RPTOR: variants seen among roughly 807,000 people sequenced by gnomAD.
RPTOR encodes the protein regulatory-associated protein of mTOR.
In RPTOR, 21 loss-of-function variants were observed where a neutral mutation model predicts 169.9. That is an observed-to-expected ratio of 0.12 (90% confidence interval 0.09 to 0.18). RPTOR has a LOEUF of 0.18. RPTOR is among the 10% of genes least tolerant of loss of function. The probability of loss-of-function intolerance (pLI) is 1.00; values close to 1 mark genes in which losing one functional copy is unlikely to be tolerated. For missense variants in RPTOR, 1,133 were observed against 1,855.9 expected (o/e 0.61, Z 7.16); for synonymous variants, 732 against 753.2 (o/e 0.97, Z 0.46).
intron 13 of RPTOR, among the ~76,000 whole-genome samples, chr17:80,875,824 C>T (rs11652780): frequency 0.14 from 18,672 of 129,130 alleles, 16 homozygotes; most frequent in East Asian, 0.27. Flanking sequence ...CCCACCGAGC[C>T]CGTGCCGCCC....
At chr17:80,666,903 G>A (rs1022652497) in intron 3 of RPTOR, among the ~76,000 whole-genome samples, 3 of 152,176 alleles carry the variant, frequency 2.0e-5, no homozygotes, top group African/African-American at 7.2e-5. Context: ...TCCTCTGATC[G>A]AGCCTTCTAG....
At chr17:80,744,428 C>T (rs201365549) in intron 5 of RPTOR, among the ~76,000 whole-genome samples, 6 of 70,992 alleles carry the variant, frequency 8.5e-5, no homozygotes, top group East Asian at 5.4e-4. Context: ...TGGCTACTAG[C>T]ACAGCCCTGG....
intron 27 of RPTOR, among the ~76,000 whole-genome samples, chr17:80,948,936 T>C (rs2069137792): frequency 6.6e-6 from 1 of 152,124 alleles, no homozygotes; most frequent in Non-Finnish European, 1.5e-5. Context: ...GCATTGTCCC[T>C]TCAAGTCAAG....
Position 80,730,545 on chromosome 17 carries a change from T to G in RPTOR, c.508-15T>G, listed in dbSNP as rs1246779468. The G allele has an allele frequency of 1.9e-6, 3 of 1,611,550 alleles. No individual in the cohort carries two copies. Among genetic ancestry groups the G allele is most frequent in the Non-Finnish European group, 1.7e-6 (2 of 1,177,860 alleles). On this transcript the variant is annotated splice_polypyrimidine_tract_variant and intron_variant, in intron 4 of 33. Coordinates refer to ENST00000306801, the MANE Select transcript of RPTOR (RefSeq NM_020761.3). This position sits in a 1 kb window ranked among gnomAD's most constrained non-coding sequence, Gnocchi z 4.2. The stretch of plus-strand genomic sequence containing the variant: ...GAGACGCACATGTAACGAGCGCACT[T>G]TGTGTGTTTTCTAGAACTACACGCA...
At chr17:80,702,216 G>C (rs1021763735) in intron 3 of RPTOR, among the ~76,000 whole-genome samples, 1 of 152,052 alleles carries the variant, frequency 6.6e-6, no homozygotes, top group Non-Finnish European at 1.5e-5. Flanking sequence ...ATTAAACCAA[G>C]GGCCCATTTT....
chr17:80,922,701 C>T, intron 21 of RPTOR, 23 bp from the exon 22 acceptor site: 2 of 1,554,918 alleles, frequency 1.3e-6, no homozygotes, highest in South Asian at 2.3e-5. Context: ...CTGACCTTCA[C>T]ACCCCCATTC....
intron 7 of RPTOR, 126 bp from the exon 8 acceptor site, chr17:80,822,075 T>A: frequency 1.2e-6 from 1 of 818,388 alleles, no homozygotes; most frequent in Non-Finnish European, 2.1e-6. Context: ...GCCAAGCTTC[T>A]GCTCAGAGCC....
intron 5 of RPTOR, among the ~76,000 whole-genome samples, chr17:80,731,141 G>A (rs920664668): frequency 5.9e-5 from 9 of 152,172 alleles, no homozygotes; most frequent in Admixed American, 3.3e-4. Flanking sequence ...AGCCTGCAAA[G>A]TTCTGGGATT....
At chr17:80,661,718 G>A (rs2065725738) in intron 3 of RPTOR, among the ~76,000 whole-genome samples, 1 of 151,780 alleles carries the variant, frequency 6.6e-6, no homozygotes, top group Non-Finnish European at 1.5e-5. Context: ...CCCTTTCTTA[G>A]TGGGTTCTTA....
At chr17:80,578,820 C>T (rs576980667) in intron 1 of RPTOR, among the ~76,000 whole-genome samples, 6 of 152,246 alleles carry the variant, frequency 3.9e-5, no homozygotes, top group East Asian at 1.9e-4. Flanking sequence ...TTGCTGGCAC[C>T]GCTGCTAAGT....
chr17:80,702,098 GCAGTA>G (rs1377831861), intron 3 of RPTOR, among the ~76,000 whole-genome samples: 4 of 152,118 alleles, frequency 2.6e-5, no homozygotes, highest in African/African-American at 9.7e-5. Context: ...GAATCTGATT[GCAGTA>G]GCATTTCTTA....
chr17:80,957,805 C>T lies in RPTOR; in HGVS notation c.3477+75C>T. On this transcript the variant is annotated intron_variant, in intron 29 of 33. Transcript: ENST00000306801. This position sits in a 1 kb window ranked among gnomAD's most constrained non-coding sequence, Gnocchi z 4.6. ...CAGGGCTGGTCCTCGTCACAGAACCCAGCAAAGTGTGCGGTGAGGCCTGGC... is the reference window on the plus strand; with the variant it reads ...CAGGGCTGGTCCTCGTCACAGAACCTAGCAAAGTGTGCGGTGAGGCCTGGC... 7.2e-7 allele frequency: 1 copy of T among 1,385,230 alleles called. No individual in the cohort carries two copies. The highest frequency in any genetic ancestry group is 1.0e-6 in the Non-Finnish European group (1 of 976,560). 85.8% of individuals were successfully genotyped at this position (1,385,230 alleles called of 1,614,324 possible).
Position 80,891,729 on chromosome 17 carries a change from G to A in RPTOR, c.1993G>A (p.Val665Met). 6.2e-7 allele frequency: 1 copy of A among 1,612,250 alleles called. No homozygotes were observed. Among genetic ancestry groups the A allele is most frequent in the Non-Finnish European group, 8.5e-7 (1 of 1,178,468 alleles). The part of the protein sequence containing the change: ...GSPMVRKELV[V>M]ALSHLVVQYE... ...TTCTCCCTCTCGGCAGGAGCTGGTG[G>A]TGGCTCTGAGTCATCTTGTGGTTCA... The change falls in exon 18 of 34, where the codon GTG becomes ATG. Residue 665 changes from valine (V) to methionine (M), a missense_variant. Val to Met is a conservative substitution (Grantham distance 21, BLOSUM62 1). This residue lies in a region of RPTOR where 150 missense variants were observed against 206.4 expected (regional missense o/e 0.73). Transcript: ENST00000306801.
rs1293623202 is a variant in RPTOR at position 80,562,643 on chromosome 17, G to A, written c.162+16852G>A. ...TACTAAAAATACAGGAATTATCTGG[G>A]TGTGGTGACGCACACCTGTAATCCC... On this transcript the variant is annotated intron_variant, in intron 1 of 33. Coordinates refer to ENST00000306801, the MANE Select transcript of RPTOR (RefSeq NM_020761.3). This position sits in a 1 kb window ranked among gnomAD's most constrained non-coding sequence, Gnocchi z 4.4. Among the ~76,000 whole-genome samples the A allele has an allele frequency of 1.3e-5, 2 of 152,162 alleles. No homozygotes were observed. The highest frequency in any genetic ancestry group is 2.9e-5 in the Non-Finnish European group (2 of 68,038).
At chr17:80,898,182 C>T (rs972212944) in intron 20 of RPTOR, among the ~76,000 whole-genome samples, 1 of 152,092 alleles carries the variant, frequency 6.6e-6, no homozygotes, top group African/African-American at 2.4e-5. Flanking sequence ...AAGTTTTATT[C>T]TTCTAGGATT....
chr17:80,895,838 T>G (rs575211910), intron 20 of RPTOR, among the ~76,000 whole-genome samples: 1 of 152,236 alleles, frequency 6.6e-6, no homozygotes, highest in African/African-American at 2.4e-5. Flanking sequence ...TCTGCCTTGA[T>G]TGCAGTGAGG....
At position 80,743,712 on chromosome 17, in the gene RPTOR, GTCCTGGCTACGAGCAC is replaced by G. The variant is rs1567887070; in HGVS notation, c.655-10297_655-10282del. Among the ~76,000 whole-genome samples the G allele has an allele frequency of 4.1e-4, 35 of 85,288 alleles. 2 individuals carry two copies. In the East Asian group the frequency reaches 7.2e-3, roughly 18 times the overall value. The allele number at this position is 85,288 out of a possible 152,430, so 56.0% of individuals were successfully genotyped here. ...TAGCACAGCCCTGGCTACTAGCACT[GTCCTGGCTACGAGCAC>G]AGCCCTGGCTACTAGCAGAGCCCTG... On this transcript the variant is annotated intron_variant, in intron 5 of 33. Transcript: ENST00000306801.
Position 80,917,633 on chromosome 17 carries a change from CTCTGAAATTT to C in RPTOR, c.2521-5090_2521-5081del, listed in dbSNP as rs149408332. ...TAAAACTGTCTTTACCTCTGAAATTCTCTGAAATTTCTCTTCCAGTGATCTCAGCCGATCT... is the reference window on the plus strand; with the variant it reads ...TAAAACTGTCTTTACCTCTGAAATTCCTCTTCCAGTGATCTCAGCCGATCT... On this transcript the variant is annotated intron_variant, in intron 21 of 33. Coordinates refer to ENST00000306801, the MANE Select transcript of RPTOR (RefSeq NM_020761.3). Among the ~76,000 whole-genome samples the C allele has an allele frequency of 1.1e-3, 166 of 150,488 alleles. 4 individuals carry two copies. The East Asian group carries it at 0.031, about 28-fold the overall frequency.
Position 80,730,137 on chromosome 17 carries a change from C to T in RPTOR, c.508-423C>T, listed in dbSNP as rs2066377447. ...GTTTTTGTTTTTTGAGACTGAGTCTCGCTCTGTTGCCCAGGCTGGAGTGCA... is the reference window on the plus strand; with the variant it reads ...GTTTTTGTTTTTTGAGACTGAGTCTTGCTCTGTTGCCCAGGCTGGAGTGCA... On this transcript the variant is annotated intron_variant, in intron 4 of 33. Transcript: ENST00000306801. The surrounding 1 kb of genome is among the most constrained non-coding windows in gnomAD (Gnocchi z 4.2). Among the ~76,000 whole-genome samples, 1 of 152,166 alleles carries T rather than the reference C, an allele frequency of 6.6e-6. No individual in the cohort carries two copies. Among genetic ancestry groups the T allele is most frequent in the African/African-American group, 2.4e-5 (1 of 41,440 alleles).
Sources: gnomAD v4.1 joint callset for allele counts (sites outside exome capture counted in the v4.1 genomes callset) on GRCh38, gnomAD v4.1.1 for gene constraint, gnomAD v4.1.1 regional missense constraint, Gnocchi (gnomAD v3.1) non-coding constraint, MANE v1.5 for transcripts, NCBI Gene and HGNC (gene_info 2026-07-23, HGNC 2026-07-21) for gene names.